The following RAB14 variants were observed in gnomAD, a reference collection of about 807,000 sequenced individuals.
RAB14 encodes RAB14, member RAS oncogene family, also known as ras-related protein Rab-14.
RAB14 carries 3 observed loss-of-function variants against 31.1 expected under a neutral mutation model. The ratio of observed to expected loss-of-function variants is 0.10; its 90% CI spans 0.04 to 0.25. RAB14 has a LOEUF of 0.25. RAB14 is among the 10% of genes least tolerant of loss of function. The pLI is 1.00. For synonymous variants in RAB14, 85 were observed against 84.9 expected, an observed-to-expected ratio of 1.00 and a Z score of 0.00; for missense variants, 111 against 260.1, an observed-to-expected ratio of 0.43 and a Z score of 3.94.
At chr9:121,198,994 G>A (rs985793250) in intron 1 of RAB14, among the ~76,000 whole-genome samples, 2 of 151,964 alleles carry the variant, frequency 1.3e-5, no homozygotes, top group African/African-American at 2.4e-5. Flanking sequence ...TATAAATAAT[G>A]TGAATCATTT....
At chr9:121,200,570 T>C (rs2132033493) in intron 1 of RAB14, among the ~76,000 whole-genome samples, 1 of 152,302 alleles carries the variant, frequency 6.6e-6, no homozygotes, top group Admixed American at 6.5e-5. Flanking sequence ...GTGTAGTGGT[T>C]GACTTTATGG....
rs1211593729 is a variant in RAB14 at position 121,201,763 on chromosome 9, TGGCAG to T, written c.-137_-133del. 1 of 152,976 alleles carries T rather than the reference TGGCAG, an allele frequency of 6.5e-6. No individual in the cohort carries two copies. Among genetic ancestry groups the T allele is most frequent in the Non-Finnish European group, 1.5e-5 (1 of 68,754 alleles). The allele number at this position is 152,976 out of a possible 1,614,324, so 9.5% of individuals were successfully genotyped here. ...TCGACCGAGGCGCCGGCAGGTACAC[TGGCAG>T]GCCGAGAGGTGCAGACGCGCCGGCA... On this transcript the variant is annotated 5_prime_UTR_variant, in exon 1 of 8. Transcript: ENST00000373840.
chr9:121,198,061 A>G (rs1007343499), intron 1 of RAB14, among the ~76,000 whole-genome samples: 1 of 152,016 alleles, frequency 6.6e-6, no homozygotes, highest in Admixed American at 6.6e-5. Context: ...CTATATTCAT[A>G]TAATATGGAA....
intron 1 of RAB14, among the ~76,000 whole-genome samples, chr9:121,195,147 A>G (rs2053708472): frequency 6.6e-6 from 1 of 152,140 alleles, no homozygotes; most frequent in Non-Finnish European, 1.5e-5. Context: ...TGGATTATTT[A>G]CCTGATCTCT....
intron 1 of RAB14, among the ~76,000 whole-genome samples, chr9:121,199,346 A>T (rs1209923022): frequency 6.6e-6 from 1 of 152,216 alleles, no homozygotes; most frequent in South Asian, 2.1e-4. Context: ...CTAGAATAAG[A>T]AGCTTTTTAA....
chr9:121,181,652 A>G (rs2053633645), intron 7 of RAB14, 79 bp from the exon 8 acceptor site: 1 of 1,177,238 alleles, frequency 8.5e-7, no homozygotes. Context: ...GCTAATCTTT[A>G]GTTAACTGCC....
chr9:121,200,914 G>C (rs1247486351), intron 1 of RAB14, among the ~76,000 whole-genome samples: 2 of 152,174 alleles, frequency 1.3e-5, no homozygotes, highest in Non-Finnish European at 2.9e-5. Flanking sequence ...CTCCAGCTCT[G>C]TCGTCTTCTC....
chr9:121,192,084 G>A, intron 3 of RAB14, 87 bp downstream of exon 3: 1 of 994,652 alleles, frequency 1.0e-6, no homozygotes. Context: ...TTAAATGCAT[G>A]AAGTATACTG....
intron 1 of RAB14, among the ~76,000 whole-genome samples, chr9:121,196,530 CA>C (rs958372909): frequency 3.3e-5 from 5 of 152,096 alleles, no homozygotes; most frequent in Non-Finnish European, 7.4e-5. Flanking sequence ...GATGAGGACA[CA>C]GACTCAAGAG....
At chr9:121,186,428 C>T (rs2053659511) in intron 5 of RAB14, among the ~76,000 whole-genome samples, 1 of 152,118 alleles carries the variant, frequency 6.6e-6, no homozygotes, top group South Asian at 2.1e-4. Flanking sequence ...GGTGGCTAGC[C>T]TTTAAAATCT....
chr9:121,192,204 AT>A lies in RAB14; in HGVS notation c.72del (p.Lys24AsnfsTer29). 6.2e-7 allele frequency: 1 copy of A among 1,600,352 alleles called. No homozygotes were observed. On this transcript the variant is annotated frameshift_variant, in exon 3 of 8. Coordinates refer to ENST00000373840, the MANE Select transcript of RAB14 (RefSeq NM_016322.4). LOFTEE classifies it high-confidence loss of function. ...YIIIGDMGVG[K>X]SCLLHQFTEK... ...TCTGTAAATTGATGAAGCAAGCAAG[AT>A]TTTCCTACTCCCATGTCCCCTGTTT...
chr9:121,198,585 T>C (rs1189498074), intron 1 of RAB14, among the ~76,000 whole-genome samples: 2 of 152,230 alleles, frequency 1.3e-5, no homozygotes, highest in Admixed American at 1.3e-4. Context: ...TTTCCACTGA[T>C]AAGTTTTTTG....
chr9:121,200,062 C>T (rs1166145159), intron 1 of RAB14, among the ~76,000 whole-genome samples: 1 of 152,198 alleles, frequency 6.6e-6, no homozygotes, highest in Non-Finnish European at 1.5e-5. Flanking sequence ...GTCCAATTAT[C>T]CCCTTTATAG....
intron 1 of RAB14, among the ~76,000 whole-genome samples, chr9:121,195,510 T>C (rs1392883863): frequency 6.6e-6 from 1 of 152,206 alleles, no homozygotes; most frequent in Non-Finnish European, 1.5e-5. Context: ...CCAATTTTAG[T>C]TGTACTAATT....
In RAB14 at chr9:121,178,374, GAC is replaced by G. The variant is rs1564316760; in HGVS notation, c.*3020_*3021del. 6.6e-6 allele frequency: 1 copy of G among 152,406 alleles called. No homozygotes were observed. Among genetic ancestry groups the G allele is most frequent in the Non-Finnish European group, 1.5e-5 (1 of 68,004 alleles). 9.4% of individuals were successfully genotyped at this position (152,406 alleles called of 1,614,324 possible). Reference sequence around the variant, plus strand: ...GTCACAATTACTGACATCCTTCTGGGACACAATTTTCTGGGCCTGTGTTGAAT... The same window carrying G: ...GTCACAATTACTGACATCCTTCTGGGACAATTTTCTGGGCCTGTGTTGAAT... On this transcript the variant is annotated 3_prime_UTR_variant, in exon 8 of 8. Coordinates refer to ENST00000373840, the MANE Select transcript of RAB14 (RefSeq NM_016322.4).
chr9:121,188,057 G>A (rs1266990341), intron 4 of RAB14, among the ~76,000 whole-genome samples: 2 of 151,886 alleles, frequency 1.3e-5, no homozygotes, highest in Non-Finnish European at 2.9e-5. Context: ...AATGAGAACT[G>A]AAAAGAACTC....
intron 2 of RAB14, among the ~76,000 whole-genome samples, chr9:121,193,068 T>C (rs182373590): frequency 1.6e-3 from 247 of 152,308 alleles, no homozygotes; most frequent in Admixed American, 3.5e-3. Context: ...TAGGAATGTT[T>C]CTGCACTCCT....
At chr9:121,182,071 T>C (rs1410659413) in intron 7 of RAB14, among the ~76,000 whole-genome samples, 1 of 152,178 alleles carries the variant, frequency 6.6e-6, no homozygotes, top group Non-Finnish European at 1.5e-5. Flanking sequence ...ATGGAAAGCA[T>C]ACATACATAC....
chr9:121,182,518 G>A (rs1176031057), intron 7 of RAB14, among the ~76,000 whole-genome samples: 3 of 152,230 alleles, frequency 2.0e-5, no homozygotes, highest in Non-Finnish European at 4.4e-5. Flanking sequence ...CTATGCTTCT[G>A]AGTAGACACT....
Sources: allele counts gnomAD v4.1 joint callset (sites outside exome capture counted in the v4.1 genomes callset), GRCh38; gene constraint gnomAD v4.1.1; transcripts MANE v1.5; gene names NCBI Gene and HGNC (gene_info 2026-07-23, HGNC 2026-07-21).